Variants in AGO3 observed in about 807,000 individuals in gnomAD.
The protein encoded by AGO3 is argonaute RISC catalytic component 3, also known as protein argonaute-3.
Under a neutral mutation model 105.5 loss-of-function variants are expected in AGO3, and 16 were observed. The ratio of observed to expected loss-of-function variants is 0.15; its 90% confidence interval spans 0.10 to 0.23. The LOEUF (loss-of-function observed/expected upper bound fraction) is 0.23. AGO3 is among the 10% of genes least tolerant of loss of function. The probability of loss-of-function intolerance (pLI) is 1.00; values close to 1 mark genes in which losing one functional copy is unlikely to be tolerated. For synonymous variants in AGO3, 340 were observed against 367.3 expected, an observed-to-expected ratio of 0.93 and a Z score of 0.85; for missense variants, 534 against 1,088.0, an observed-to-expected ratio of 0.49 and a Z score of 7.16.
Position 36,017,775 on chromosome 1 carries a change from C to T in AGO3, c.1406+3727C>T, listed in dbSNP as rs145017247. On this transcript the variant is annotated intron_variant, in intron 11 of 18. Transcript: ENST00000373191. ...AAAATAATCCGAGCACAGTGGTGCA[C>T]GCCTGTGGTCCCAGCTACTCAGGAG... 2.9e-3 allele frequency among the ~76,000 whole-genome samples: 434 copies of T among 151,922 alleles called. 2 individuals carry two copies. Among genetic ancestry groups the T allele is most frequent in the African/African-American group, 9.5e-3 (393 of 41,448 alleles).
chr1:35,931,916 T>C (rs1400429821), intron 1 of AGO3, among the ~76,000 whole-genome samples: 1 of 152,232 alleles, frequency 6.6e-6, no homozygotes, highest in Non-Finnish European at 1.5e-5. Context: ...AAATTCAACA[T>C]GGCATTGCTC....
At chr1:36,034,607 A>G (rs977160795) in intron 13 of AGO3, among the ~76,000 whole-genome samples, 7 of 152,230 alleles carry the variant, frequency 4.6e-5, no homozygotes, top group African/African-American at 1.4e-4. Context: ...AAATGAAAGT[A>G]CACTCCAGAG....
At chr1:35,957,742 T>C (rs980546904) in intron 2 of AGO3, among the ~76,000 whole-genome samples, 4 of 151,124 alleles carry the variant, frequency 2.6e-5, no homozygotes, top group African/African-American at 9.7e-5. Flanking sequence ...ACAAAAATGC[T>C]CAGTATCGAT....
intron 2 of AGO3, among the ~76,000 whole-genome samples, chr1:35,962,413 G>T (rs1025519705): frequency 6.6e-6 from 1 of 151,838 alleles, no homozygotes; most frequent in Non-Finnish European, 1.5e-5. Context: ...CATGGTGGCG[G>T]GTGCCTGTAG....
chr1:35,974,850 G>C lies in AGO3; in HGVS notation c.658+1339G>C, dbSNP rs670817. Among the ~76,000 whole-genome samples the C allele has an allele frequency of 2.7e-3, 416 of 152,082 alleles. 5 individuals carry two copies. The highest frequency in any genetic ancestry group is 9.1e-3 in the African/African-American group (376 of 41,492). ...AATGTTTGAAAGCTTTCTTGCTTTC[G>C]GGCACAGCAGGATATTCCTTGCTCA... On this transcript the variant is annotated intron_variant, in intron 5 of 18. Transcript: ENST00000373191.
intron 11 of AGO3, among the ~76,000 whole-genome samples, chr1:36,025,908 C>T (rs1641479517): frequency 6.6e-6 from 1 of 151,996 alleles, no homozygotes; most frequent in Non-Finnish European, 1.5e-5. Flanking sequence ...CGCGGTGGCA[C>T]ATGCCTATAA....
intron 5 of AGO3, among the ~76,000 whole-genome samples, chr1:35,997,172 G>A (rs568228948): frequency 6.6e-6 from 1 of 151,998 alleles, no homozygotes; most frequent in Admixed American, 6.5e-5. Flanking sequence ...CCAGCTACTT[G>A]GGAGGCTGAG....
intron 12 of AGO3, among the ~76,000 whole-genome samples, chr1:36,032,264 G>A (rs1015943260): frequency 2.6e-5 from 4 of 152,170 alleles, no homozygotes; most frequent in Non-Finnish European, 5.9e-5. Context: ...TGGGTGTGAA[G>A]TGGTATCTCA....
chr1:35,942,784 A>G (rs1646279785), intron 1 of AGO3, among the ~76,000 whole-genome samples: 1 of 152,182 alleles, frequency 6.6e-6, no homozygotes, highest in South Asian at 2.1e-4. Context: ...GTGTATAGTC[A>G]GTAGTGTTCG....
At chr1:35,947,508 A>G (rs1646388505) in intron 2 of AGO3, among the ~76,000 whole-genome samples, 1 of 152,092 alleles carries the variant, frequency 6.6e-6, no homozygotes, top group Non-Finnish European at 1.5e-5. Flanking sequence ...CCCCTTCATG[A>G]AAAGTAGTGT....
chr1:35,965,820 CTT>C (rs925988577), intron 2 of AGO3, among the ~76,000 whole-genome samples: 3 of 120,166 alleles, frequency 2.5e-5, no homozygotes, highest in Non-Finnish European at 5.3e-5. Context: ...TTGAATCTCT[CTT>C]TTTTTTTTTT....
chr1:36,015,206 G>A (rs1471773624), intron 11 of AGO3, among the ~76,000 whole-genome samples: 1 of 152,090 alleles, frequency 6.6e-6, no homozygotes, highest in African/African-American at 2.4e-5. Flanking sequence ...ACAGAACTAG[G>A]GAAACACTTA....
chr1:36,026,995 T>C, intron 11 of AGO3, 119 bp from the exon 12 acceptor site: 1 of 1,173,562 alleles, frequency 8.5e-7, no homozygotes. Context: ...TGACCTCTCA[T>C]ATATGAAGCA....
intron 5 of AGO3, chr1:35,983,504 G>A (rs904929711): frequency 1.3e-5 from 2 of 152,014 alleles, no homozygotes; most frequent in Non-Finnish European, 2.9e-5. Context: ...ATGGGAGGGT[G>A]GCTTGAGCCC....
At chr1:35,991,130 C>G (rs570760200) in intron 5 of AGO3, among the ~76,000 whole-genome samples, 1 of 152,266 alleles carries the variant, frequency 6.6e-6, no homozygotes, top group Admixed American at 6.5e-5. Context: ...ACAGTGAAAC[C>G]CTGTCTCTAC....
chr1:35,999,333 ACT>A (rs1187791069), intron 5 of AGO3, among the ~76,000 whole-genome samples: 1 of 151,862 alleles, frequency 6.6e-6, no homozygotes, highest in Non-Finnish European at 1.5e-5. Flanking sequence ...ACAGAGCAAG[ACT>A]CCATCTAAAA....
At chr1:36,015,465 C>T (rs562566559) in intron 11 of AGO3, among the ~76,000 whole-genome samples, 277 of 152,308 alleles carry the variant, frequency 1.8e-3, no homozygotes, top group Non-Finnish European at 2.9e-3. Flanking sequence ...ACCTTCGGCC[C>T]CTTTCGCCTC....
At chr1:35,965,170 A>C (rs1368587272) in intron 2 of AGO3, among the ~76,000 whole-genome samples, 1 of 152,010 alleles carries the variant, frequency 6.6e-6, no homozygotes, top group Admixed American at 6.6e-5. Context: ...ACATCCCAAC[A>C]AATTAGATCT....
At chr1:35,992,954 TG>T (rs199505597) in intron 5 of AGO3, among the ~76,000 whole-genome samples, 2,124 of 152,354 alleles carry the variant, frequency 0.014, 16 homozygotes, top group Middle Eastern at 0.034. Flanking sequence ...CCTTGCCATG[TG>T]GACCTCTCTA....
Sources: gnomAD v4.1 joint callset for allele counts (sites outside exome capture counted in the v4.1 genomes callset) on GRCh38, gnomAD v4.1.1 for gene constraint, MANE v1.5 for transcripts, NCBI Gene and HGNC (gene_info 2026-07-23, HGNC 2026-07-21) for gene names.